BRD9: variants seen among roughly 807,000 people sequenced by gnomAD.
The protein encoded by BRD9 is bromodomain containing 9, also known as bromodomain-containing protein 9.
In BRD9, 47 loss-of-function variants were observed where a neutral mutation model predicts 68.7. The observed-to-expected ratio is 0.68, with a 90% CI of 0.54 to 0.87. The LOEUF is 0.87. BRD9 is among the 40% of genes least tolerant of loss of function. BRD9 has a pLI of 0.00. For missense variants in BRD9, 670 were observed against 748.4 expected (o/e 0.90, Z 1.22); for synonymous variants, 313 against 293.9 (o/e 1.06, Z -0.67).
At chr5:871,792 C>G (rs566848270) in intron 12 of BRD9, among the ~76,000 whole-genome samples, 1 of 152,196 alleles carries the variant, frequency 6.6e-6, no homozygotes. Context: ...GATTGTGTGC[C>G]GGGGACAGCG....
intron 11 of BRD9, among the ~76,000 whole-genome samples, chr5:877,250 A>G (rs1188334676): frequency 6.6e-6 from 1 of 152,002 alleles, no homozygotes; most frequent in African/African-American, 2.4e-5. Context: ...GCCTTGGCCC[A>G]GGCTGGGCAG....
chr5:869,301 A>G (rs2150556266), intron 14 of BRD9: 1 of 456,214 alleles, frequency 2.2e-6, no homozygotes, highest in African/African-American at 2.0e-5. Context: ...ACTTTAAAAC[A>G]GAAATCTGAA....
At chr5:886,899 G>A (rs565449318) in intron 6 of BRD9, 192 bp from the exon 7 acceptor site, 50 of 1,015,676 alleles carry the variant, frequency 4.9e-5, no homozygotes, top group Middle Eastern at 6.6e-4. Flanking sequence ...GCGGAGCAGC[G>A]GGAGGTGGTT....
intron 4 of BRD9, 100 bp downstream of exon 4, chr5:889,485 GTC>G (rs1753032113): frequency 1.5e-6 from 2 of 1,290,672 alleles, no homozygotes; most frequent in Non-Finnish European, 2.2e-6. Flanking sequence ...AAGGTGCAGG[GTC>G]TGTTTCACAG....
intron 8 of BRD9, chr5:883,648 C>G: frequency 4.0e-6 from 2 of 498,916 alleles, no homozygotes; most frequent in Non-Finnish European, 3.7e-6. Flanking sequence ...AGCATTCACT[C>G]CAAGAGAAAG....
chr5:883,108 C>A (rs568215248), intron 8 of BRD9: 2 of 359,982 alleles, frequency 5.6e-6, no homozygotes, highest in Non-Finnish European at 1.1e-5. Flanking sequence ...CCACGCAGAC[C>A]GCAACCTCGC....
rs1357167077 is a variant in BRD9, at chr5:889,249, C to A, written c.462-84G>T. ...CTTACAATCCAAAAATTGGATACAA[C>A]TGACCGAATTTTGTTTCTTAAAAAT... On this transcript the variant is annotated intron_variant, in intron 4 of 15. Transcript: ENST00000467963. 3.6e-6 allele frequency: 5 copies of A among 1,401,008 alleles called. No homozygotes were observed. In the African/African-American group the frequency reaches 7.4e-5, roughly 21 times the overall value. The allele number at this position is 1,401,008 out of a possible 1,614,324, so 86.8% of individuals were successfully genotyped here.
chr5:864,268 C>T lies in BRD9; in HGVS notation c.*200G>A, dbSNP rs570412735. 2.2e-6 allele frequency: 1 copy of T among 464,874 alleles called. No individual in the cohort carries two copies. The highest frequency in any genetic ancestry group is 3.7e-5 in the East Asian group (1 of 26,668). 28.8% of individuals were successfully genotyped at this position (464,874 alleles called of 1,614,324 possible). A position where few individuals can be genotyped will look rare whatever the true frequency, so the allele number is the denominator to read the frequency against. ...GCTGACACGATGGCCATATGGCCTT[C>T]GCGTATGACTCCACTCCTCAGGGTT... is the stretch of plus-strand genomic sequence containing the variant. On this transcript the variant is annotated 3_prime_UTR_variant, in exon 16 of 16. Coordinates refer to ENST00000467963, the MANE Select transcript of BRD9 (RefSeq NM_023924.5).
intron 1 of BRD9, 190 bp from the exon 2 acceptor site, chr5:892,044 C>A: frequency 1.1e-6 from 1 of 920,970 alleles, no homozygotes; most frequent in Non-Finnish European, 1.6e-6. Flanking sequence ...CCCTTCCCCT[C>A]CGCAGGGAGC....
intron 8 of BRD9, chr5:883,436 G>A (rs879942180): frequency 3.5e-5 from 16 of 456,686 alleles, no homozygotes; most frequent in Non-Finnish European, 6.6e-5. Context: ...GAAGACACTG[G>A]GTCTAGAACG....
intron 5 of BRD9, among the ~76,000 whole-genome samples, 158 bp from the exon 6 acceptor site, chr5:887,629 G>A (rs933989709): frequency 8.5e-5 from 13 of 152,224 alleles, no homozygotes; most frequent in African/African-American, 3.1e-4. Context: ...AAGAACTTAA[G>A]AGAAGTTTTC....
intron 12 of BRD9, among the ~76,000 whole-genome samples, chr5:873,311 G>A (rs755137644): frequency 7.2e-5 from 11 of 152,182 alleles, no homozygotes; most frequent in Non-Finnish European, 1.5e-4. Context: ...AGAAACTGAA[G>A]ACTGAGCTCT....
At chr5:871,408 G>A in intron 13 of BRD9, 118 bp downstream of exon 13, 1 of 901,188 alleles carries the variant, frequency 1.1e-6, no homozygotes, top group South Asian at 1.4e-5. Flanking sequence ...TTACTGATCA[G>A]AAACGGACTC....
Position 881,202 on chromosome 5 carries a change from G to A in BRD9, c.967-20C>T. On this transcript the variant is annotated intron_variant, in intron 8 of 15. Transcript: ENST00000467963. ...GCCCATCTGGAAGGAAGCACTGCCT[G>A]AGCGTCTGTCCCTCAGGAGGGGCAG... The A allele has an allele frequency of 1.2e-6, 2 of 1,612,338 alleles. No homozygotes were observed. Among genetic ancestry groups the A allele is most frequent in the Non-Finnish European group, 1.7e-6 (2 of 1,178,954 alleles).
At chr5:873,772 T>C (rs974768806) in intron 12 of BRD9, among the ~76,000 whole-genome samples, 1 of 152,200 alleles carries the variant, frequency 6.6e-6, no homozygotes, top group East Asian at 1.9e-4. Flanking sequence ...CAAGCACAGA[T>C]GAAACCGTCA....
At chr5:883,102 G>A (rs942725259) in intron 8 of BRD9, 13 of 357,386 alleles carry the variant, frequency 3.6e-5, no homozygotes, top group African/African-American at 1.7e-4. Flanking sequence ...CGTGAGCCAC[G>A]CAGACCGCAA....
At chr5:868,310 A>T (rs1340024657) in intron 14 of BRD9, among the ~76,000 whole-genome samples, 2 of 152,216 alleles carry the variant, frequency 1.3e-5, no homozygotes, top group Non-Finnish European at 2.9e-5. Flanking sequence ...GTTCTTTATA[A>T]CAGTGTGAGG....
chr5:889,869 A>C (rs1753101617), intron 3 of BRD9: 1 of 876,854 alleles, frequency 1.1e-6, no homozygotes, highest in Admixed American at 2.2e-5. Context: ...CTCTTGTAAT[A>C]ACCGGTAGCC....
chr5:889,548 C>T (rs369410919), intron 4 of BRD9, 39 bp downstream of exon 4: 6 of 1,604,212 alleles, frequency 3.7e-6, no homozygotes, highest in South Asian at 2.2e-5. Context: ...GACACCACAC[C>T]CCCCCAGACA....
Sources: allele counts gnomAD v4.1 joint callset (sites outside exome capture counted in the v4.1 genomes callset), GRCh38; gene constraint gnomAD v4.1.1; transcripts MANE v1.5; gene names NCBI Gene and HGNC (gene_info 2026-07-23, HGNC 2026-07-21).